Variants in ARID1B observed in about 807,000 individuals in gnomAD.
ARID1B encodes the protein AT-rich interactive domain-containing protein 1B.
ARID1B carries 30 observed loss-of-function variants against 212.3 expected under a neutral mutation model. That is an observed-to-expected ratio of 0.14 (90% CI 0.11 to 0.19). The LOEUF is 0.19. Among genes scored for constraint, ARID1B ranks in the 10% least tolerant of loss-of-function variants. The pLI is 1.00. For synonymous variants in ARID1B, 1,402 were observed against 1,301.7 expected (o/e 1.08, Z -1.66); for missense variants, 2,891 against 3,204.0 (o/e 0.90, Z 2.36).
chr6:156,841,718 T>C (rs1783913775), intron 2 of ARID1B, among the ~76,000 whole-genome samples: 1 of 152,182 alleles, frequency 6.6e-6, no homozygotes, highest in African/African-American at 2.4e-5. Flanking sequence ...CTTGTTTTGC[T>C]TGTTTTATAT....
intron 5 of ARID1B, among the ~76,000 whole-genome samples, chr6:157,089,327 T>TA (rs1785139328): frequency 6.6e-6 from 1 of 151,288 alleles, no homozygotes; most frequent in African/African-American, 2.4e-5. Context: ...TCTTGCCTGT[T>TA]AAACTGTTCC....
At position 156,901,400 on chromosome 6, in the gene ARID1B, G is replaced by A. The variant is rs1349709189; in HGVS notation, c.2011G>A (p.Gly671Ser). Residue 671 changes from glycine (G) to serine (S), a missense_variant, in exon 3 of 20, where the codon GGT (glycine) becomes AGT (serine). By Grantham distance (56) the Gly-to-Ser change is moderately conservative. Coordinates refer to ENST00000636930, the MANE Select transcript of ARID1B (RefSeq NM_001374828.1). Reference sequence around the variant, plus strand: ...GATGCCACCTCAGTATGGACAGCAAGGTGTGAGTGGTTACTGCCAGCAGGG... The same window carrying A: ...GATGCCACCTCAGTATGGACAGCAAAGTGTGAGTGGTTACTGCCAGCAGGG... ...QQMPPQYGQQ[G>S]VSGYCQQGQQ... is the part of the protein sequence containing the mutation. 3 of 1,614,022 alleles carry A rather than the reference G, an allele frequency of 1.9e-6. 1 individual carries two copies. The highest frequency in any genetic ancestry group is 2.2e-5 in the South Asian group (2 of 91,090).
At position 156,981,123 on chromosome 6, in the gene ARID1B, G is replaced by A. The variant is rs538847801; in HGVS notation, c.2247+45547G>A. On this transcript the variant is annotated intron_variant, in intron 4 of 19. Coordinates refer to ENST00000636930, the MANE Select transcript of ARID1B (RefSeq NM_001374828.1). ...CCACTGTCCTCCCTTGTCTACTTCT[G>A]AGGGTGAGCAGTGCTGGTGTGACTG... is the stretch of plus-strand genomic sequence containing the variant. 4.6e-5 allele frequency among the ~76,000 whole-genome samples: 7 copies of A among 152,312 alleles called. No individual in the cohort carries two copies. The East Asian group carries it at 1.4e-3, about 29-fold the overall frequency.
intron 4 of ARID1B, among the ~76,000 whole-genome samples, chr6:157,069,160 G>A (rs556314242): frequency 1.3e-5 from 2 of 151,916 alleles, no homozygotes; most frequent in South Asian, 4.2e-4. Flanking sequence ...CTTAACATCT[G>A]CTAAACTGCT....
chr6:157,114,717 T>G (rs1787208757), intron 6 of ARID1B, among the ~76,000 whole-genome samples: 1 of 152,154 alleles, frequency 6.6e-6, no homozygotes, highest in African/African-American at 2.4e-5. Flanking sequence ...GTACTTTCTT[T>G]AATGTACCCA....
At chr6:157,110,165 G>A (rs984290206) in intron 5 of ARID1B, among the ~76,000 whole-genome samples, 4 of 152,136 alleles carry the variant, frequency 2.6e-5, no homozygotes, top group Admixed American at 2.0e-4. Flanking sequence ...GCTCTCCTAC[G>A]TTTTCTTAAA....
At chr6:156,981,614 G>A (rs1286278784) in intron 4 of ARID1B, among the ~76,000 whole-genome samples, 2 of 152,108 alleles carry the variant, frequency 1.3e-5, no homozygotes, top group East Asian at 3.9e-4. Context: ...GTAGCTTGCT[G>A]TACACTGTGT....
rs1554248082 is a variant in ARID1B at position 156,779,125 on chromosome 6, CG to C, written c.1451del (p.Gly484AlafsTer29). 3.2e-6 allele frequency: 4 copies of C among 1,240,904 alleles called. No individual in the cohort carries two copies. The highest frequency in any genetic ancestry group is 2.9e-5 in the South Asian group (1 of 34,802). The allele number at this position is 1,240,904 out of a possible 1,614,324, so 76.9% of individuals were successfully genotyped here. ...SLSKAAAGSA[A>X]GGFQRFAGQN... is the part of the protein sequence containing the mutation. ...AGCAAGGCGGCCGCCGGCTCGGCGG[CG>C]GGGGGCTTCCAGCGCTTCGCCGGCC... On this transcript the variant is annotated frameshift_variant, in exon 1 of 20. Coordinates refer to ENST00000636930, the MANE Select transcript of ARID1B (RefSeq NM_001374828.1). LOFTEE classifies it high-confidence loss of function.
At chr6:156,973,866 C>T (rs1008807931) in intron 4 of ARID1B, among the ~76,000 whole-genome samples, 7 of 152,096 alleles carry the variant, frequency 4.6e-5, no homozygotes, top group African/African-American at 1.7e-4. Flanking sequence ...GTGGTTTTTC[C>T]TTCTTCAAAA....
chr6:157,116,028 C>G (rs1395126211), intron 6 of ARID1B, among the ~76,000 whole-genome samples: 2 of 152,120 alleles, frequency 1.3e-5, no homozygotes, highest in Non-Finnish European at 2.9e-5. Context: ...TTGTAGGTGA[C>G]CAGTTCACAT....
At chr6:157,162,164 G>A (rs1790990142) in intron 8 of ARID1B, among the ~76,000 whole-genome samples, 1 of 152,218 alleles carries the variant, frequency 6.6e-6, no homozygotes, top group Non-Finnish European at 1.5e-5. Flanking sequence ...AGTGTTGATT[G>A]CTAAGATGAT....
chr6:157,027,132 A>C (rs1780712315), intron 4 of ARID1B, among the ~76,000 whole-genome samples: 1 of 152,186 alleles, frequency 6.6e-6, no homozygotes, highest in Non-Finnish European at 1.5e-5. Flanking sequence ...AAAAAAAAAT[A>C]GTTGTCTGTC....
In ARID1B at chr6:157,184,393, G is replaced by A. The variant is rs756872796; in HGVS notation, c.3877G>A (p.Gly1293Arg). The change falls in exon 13 of 20, where the codon GGG becomes AGG. Residue 1293 changes from glycine to arginine, a missense_variant. Around this residue, in one of 7 missense-constraint regions of ARID1B, gnomAD observed 666 missense variants for 873.5 expected, o/e 0.76. Transcript: ENST00000636930. ...EEPPPEVFST[G>R]DTKKQPKLQP... Reference sequence around the variant, plus strand: ...GCCCCCGCCGGAAGTCTTCAGCACCGGGGACACCAAAAAGCAGCCCAAGCT... The same window carrying A: ...GCCCCCGCCGGAAGTCTTCAGCACCAGGGACACCAAAAAGCAGCCCAAGCT... 9 of 1,614,102 alleles carry A rather than the reference G, an allele frequency of 5.6e-6. No individual in the cohort carries two copies. In the East Asian group the frequency reaches 6.7e-5, roughly 12 times the overall value.
chr6:156,986,699 C>T (rs1018786132), intron 4 of ARID1B, among the ~76,000 whole-genome samples: 13 of 152,194 alleles, frequency 8.5e-5, no homozygotes, highest in Admixed American at 2.6e-4. Flanking sequence ...AAAGAGCTTT[C>T]GATACTTCTA....
chr6:156,924,351 A>G (rs1299203092), intron 3 of ARID1B, among the ~76,000 whole-genome samples: 3 of 152,170 alleles, frequency 2.0e-5, no homozygotes, highest in African/African-American at 7.2e-5. Context: ...TTCTTTGCTT[A>G]TTAAGTCAAG....
rs1794568624 is a variant in ARID1B at position 157,207,657 on chromosome 6, C to T, written c.6885C>T (p.Tyr2295=). ...FLEDGVTMAQ[Y]QQSQHNLMHM... is the part of the protein sequence containing the mutation. ...AGGATGGGGTCACGATGGCCCAGTA[C>T]CAGCAGAGCCAGCACAACCTCATGC... is the stretch of plus-strand genomic sequence containing the variant. Residue 2295 remains tyrosine (Y), a synonymous_variant, in exon 20 of 20, where the codon TAC becomes TAT. Coordinates refer to ENST00000636930, the MANE Select transcript of ARID1B (RefSeq NM_001374828.1). This position sits in a 1 kb window ranked among gnomAD's most constrained non-coding sequence, Gnocchi z 8.5. 1.9e-6 allele frequency: 3 copies of T among 1,613,736 alleles called. No individual in the cohort carries two copies. The highest frequency in any genetic ancestry group is 2.7e-5 in the African/African-American group (2 of 74,894).
chr6:156,814,291 C>T (rs374894019), intron 1 of ARID1B, among the ~76,000 whole-genome samples: 69 of 152,184 alleles, frequency 4.5e-4, no homozygotes, highest in African/African-American at 1.3e-3. Context: ...TGGTGGCACG[C>T]GCCTATGGTC....
At chr6:157,007,554 C>A (rs1464765107) in intron 4 of ARID1B, among the ~76,000 whole-genome samples, 1 of 151,846 alleles carries the variant, frequency 6.6e-6, no homozygotes, top group African/African-American at 2.4e-5. Context: ...ATAGACACAG[C>A]GGGAAGGATG....
chr6:156,939,357 T>C (rs921909527), intron 4 of ARID1B: 3 of 152,320 alleles, frequency 2.0e-5, no homozygotes, highest in Admixed American at 1.3e-4. Context: ...CCCTCAAATA[T>C]GATTTAATAC....
Sources: allele counts gnomAD v4.1 joint callset (sites outside exome capture counted in the v4.1 genomes callset), GRCh38; gene constraint gnomAD v4.1.1; regional missense constraint gnomAD v4.1.1; non-coding constraint Gnocchi (gnomAD v3.1); transcripts MANE v1.5; gene names NCBI Gene and HGNC (gene_info 2026-07-23, HGNC 2026-07-21).